The following FDX1 variants were observed in gnomAD, a reference collection of about 807,000 sequenced individuals.
The protein encoded by FDX1 is ferredoxin 1.
FDX1 carries 9 observed loss-of-function variants against 14.9 expected under a neutral mutation model. The observed-to-expected ratio is 0.60, with a 90% confidence interval of 0.36 to 1.05. FDX1 has a LOEUF of 1.05. Among genes scored for constraint, FDX1 ranks in the 50% least tolerant of loss-of-function variants. The pLI, the probability that FDX1 is intolerant of heterozygous loss-of-function variation, is 0.01. For missense variants in FDX1, 204 were observed against 237.2 expected, an observed-to-expected ratio of 0.86 and a Z score of 0.92; for synonymous variants, 92 against 99.4, an observed-to-expected ratio of 0.93 and a Z score of 0.44.
intron 1 of FDX1, among the ~76,000 whole-genome samples, chr11:110,431,380 G>A (rs1236050797): frequency 6.6e-6 from 1 of 152,216 alleles, no homozygotes; most frequent in Non-Finnish European, 1.5e-5. Flanking sequence ...GAGAACTAGA[G>A]GGAGAGTGTG....
intron 3 of FDX1, among the ~76,000 whole-genome samples, chr11:110,457,583 AT>A (rs2134692790): frequency 6.6e-6 from 1 of 152,248 alleles, no homozygotes; most frequent in South Asian, 2.1e-4. Flanking sequence ...GTGATATCTT[AT>A]TTTTTAAAAA....
chr11:110,429,809 C>G, upstream of FDX1: 1 of 241,840 alleles, frequency 4.1e-6, no homozygotes, highest in Non-Finnish European at 7.9e-6. Flanking sequence ...AAAAAAGCAT[C>G]CAGCTTACAA....
intron 2 of FDX1, among the ~76,000 whole-genome samples, chr11:110,453,682 GTCT>G (rs1280413082): frequency 1.3e-5 from 2 of 151,602 alleles, no homozygotes; most frequent in Non-Finnish European, 2.9e-5. Flanking sequence ...CTACTCATCT[GTCT>G]TCTTATGGAT....
At chr11:110,444,705 CGT>C (rs1491299313) in intron 2 of FDX1, among the ~76,000 whole-genome samples, 10,563 of 36,588 alleles carry the variant, frequency 0.29, 1,489 homozygotes, top group East Asian at 0.52. Flanking sequence ...TATATATATA[CGT>C]ATATATATAT....
chr11:110,444,898 G>A (rs1031480792), intron 2 of FDX1, among the ~76,000 whole-genome samples: 3 of 151,060 alleles, frequency 2.0e-5, no homozygotes, highest in East Asian at 1.9e-4. Context: ...TAACACGACC[G>A]ACCCGCCCTG....
intron 3 of FDX1, among the ~76,000 whole-genome samples, chr11:110,458,647 A>C (rs1461669640): frequency 6.6e-6 from 1 of 151,500 alleles, no homozygotes; most frequent in Non-Finnish European, 1.5e-5. Flanking sequence ...TTGCTTTGTC[A>C]CCCTTGCTGG....
chr11:110,447,421 T>C (rs1946458737), intron 2 of FDX1, among the ~76,000 whole-genome samples: 1 of 151,768 alleles, frequency 6.6e-6, no homozygotes, highest in Non-Finnish European at 1.5e-5. Flanking sequence ...ACCACTGTAC[T>C]CCAGTCTGGC....
At chr11:110,444,743 T>TATATATATATATATAC (rs1369789746) in intron 2 of FDX1, among the ~76,000 whole-genome samples, 2 of 44,744 alleles carry the variant, frequency 4.5e-5, no homozygotes, top group Non-Finnish European at 8.2e-5. Flanking sequence ...TATATATATA[T>TATATATATATATATAC]ACACGTATAT....
At chr11:110,447,693 T>TCTCTCTCCCATCCCC in intron 2 of FDX1, among the ~76,000 whole-genome samples, 1 of 152,262 alleles carries the variant, frequency 6.6e-6, no homozygotes, top group Admixed American at 6.5e-5. Flanking sequence ...GACACATCCC[T>TCTCTCTCCCATCCCC]CTCTCTCCCA....
intron 3 of FDX1, among the ~76,000 whole-genome samples, chr11:110,459,099 A>C (rs1591255300): frequency 6.6e-6 from 1 of 152,160 alleles, no homozygotes; most frequent in African/African-American, 2.4e-5. Context: ...CGGAATTAAT[A>C]GTTGATGGAA....
chr11:110,435,978 T>TA lies in FDX1; in HGVS notation c.310+24dup. On this transcript the variant is annotated intron_variant, in intron 2 of 3. Coordinates refer to ENST00000260270, the MANE Select transcript of FDX1 (RefSeq NM_004109.5). ...GCTTTGGTGAGTATGAAACATTTCT[T>TA]AAAATGCATAAGTGAAACTGTTAGG... 6.3e-7 allele frequency: 1 copy of TA among 1,590,974 alleles called. No individual in the cohort carries two copies. Among genetic ancestry groups the TA allele is most frequent in the Non-Finnish European group, 8.5e-7 (1 of 1,171,800 alleles).
Position 110,462,693 on chromosome 11 carries a change from T to C in FDX1, c.*225T>C. 1 of 321,162 alleles carries C rather than the reference T, an allele frequency of 3.1e-6. No homozygotes were observed. Among genetic ancestry groups the C allele is most frequent in the Non-Finnish European group, 5.7e-6 (1 of 175,766 alleles). The allele number at this position is 321,162 out of a possible 1,614,324, so 19.9% of individuals were successfully genotyped here. ...CAATCAAATATTAAAAAATAGTTAA[T>C]GTGATAGAAAAACCTTACATATTTT... On this transcript the variant is annotated 3_prime_UTR_variant, in exon 4 of 4. Transcript: ENST00000260270.
At chr11:110,448,351 T>C (rs1946465196) in intron 2 of FDX1, among the ~76,000 whole-genome samples, 1 of 152,198 alleles carries the variant, frequency 6.6e-6, no homozygotes, top group Admixed American at 6.5e-5. Flanking sequence ...AGATTTTATA[T>C]TTACACATAA....
intron 2 of FDX1, among the ~76,000 whole-genome samples, chr11:110,437,652 A>G (rs6589135): frequency 0.3 from 46,254 of 151,956 alleles, 7,272 homozygotes; most frequent in East Asian, 0.39. Context: ...TTATTTTCCA[A>G]CTTTTATTTA....
At chr11:110,430,894 C>T (rs1007206557) in intron 1 of FDX1, among the ~76,000 whole-genome samples, 30 of 152,214 alleles carry the variant, frequency 2.0e-4, no homozygotes, top group African/African-American at 6.0e-4. Flanking sequence ...TTGAAGTAAT[C>T]TGCCGGGACT....
rs778405766 is a variant in FDX1 at position 110,462,317 on chromosome 11, G to A, written c.441-37G>A. On this transcript the variant is annotated intron_variant, in intron 3 of 3. Coordinates refer to ENST00000260270, the MANE Select transcript of FDX1 (RefSeq NM_004109.5). ...TGCATTGCCTTGTGAATATATATAC[G>A]TAATACTAAACCATACCTTCCCCCT... is the stretch of plus-strand genomic sequence containing the variant. The A allele has an allele frequency of 9.8e-5, 115 of 1,170,760 alleles. No individual in the cohort carries two copies. In the South Asian group the frequency reaches 1.4e-3, roughly 14 times the overall value. The allele number at this position is 1,170,760 out of a possible 1,614,324, so 72.5% of individuals were successfully genotyped here.
At chr11:110,445,405 G>A (rs1460506562) in intron 2 of FDX1, among the ~76,000 whole-genome samples, 1 of 151,780 alleles carries the variant, frequency 6.6e-6, no homozygotes, top group Non-Finnish European at 1.5e-5. Context: ...TTACAGTACA[G>A]TTTTTTTTAA....
rs71476086 is a variant in FDX1, at chr11:110,434,334, A to ATTTGCTTTTTTTTTTTTTTTTTTTTTTT, written c.186-1497_186-1496insGCTTTTTTTTTTTTTTTTTTTTTTTTTT. On this transcript the variant is annotated intron_variant, in intron 1 of 3. Transcript: ENST00000260270. ...CACTGGAAAAGCAATCGCCCTATTG[A>ATTTGCTTTTTTTTTTTTTTTTTTTTTTT]TTTTTTTTTTTTTTTTTTTGGAGAC... is the stretch of plus-strand genomic sequence containing the variant. 1.6e-5 allele frequency among the ~76,000 whole-genome samples: 2 copies of ATTTGCTTTTTTTTTTTTTTTTTTTTTTT among 126,408 alleles called. 1 individual carries two copies. The highest frequency in any genetic ancestry group is 6.1e-5 in the African/African-American group (2 of 33,054). 82.9% of individuals were successfully genotyped at this position (126,408 alleles called of 152,430 possible). A position where few individuals can be genotyped will look rare whatever the true frequency, so the allele number is the denominator to read the frequency against.
chr11:110,444,632 A>T, intron 2 of FDX1, among the ~76,000 whole-genome samples: 1 of 84,832 alleles, frequency 1.2e-5, no homozygotes, highest in African/African-American at 6.5e-5. Context: ...AAGAAAATAT[A>T]TGTGTGTGTG....
Sources: gnomAD v4.1 joint callset for allele counts (sites outside exome capture counted in the v4.1 genomes callset) on GRCh38, gnomAD v4.1.1 for gene constraint, MANE v1.5 for transcripts, NCBI Gene and HGNC (gene_info 2026-07-23, HGNC 2026-07-21) for gene names.